The following CRHR2 variants were observed in gnomAD, a reference collection of about 807,000 sequenced individuals.
The protein encoded by CRHR2 is corticotropin-releasing hormone receptor 2.
In CRHR2, 53 loss-of-function variants were observed where a neutral mutation model predicts 57.9. That is an observed-to-expected ratio of 0.92 (90% CI 0.73 to 1.15). The LOEUF (loss-of-function observed/expected upper bound fraction) is 1.15, where lower values mean the gene tolerates loss of function less well. CRHR2 is among the 50% of genes most tolerant of loss of function. The pLI, the probability that CRHR2 is intolerant of heterozygous loss-of-function variation, is 0.00. For synonymous variants in CRHR2, 213 were observed against 220.9 expected, an observed-to-expected ratio of 0.96 and a Z score of 0.32; for missense variants, 532 against 542.6, an observed-to-expected ratio of 0.98 and a Z score of 0.19.
At chr7:30,654,634 T>C in intron 11 of CRHR2, 2 of 1,512,006 alleles carry the variant, frequency 1.3e-6, no homozygotes, top group Non-Finnish European at 1.8e-6. Context: ...GTGTGTGGGC[T>C]TTTCTGTGGC....
intron 2 of CRHR2, among the ~76,000 whole-genome samples, chr7:30,680,991 CA>C (rs1311473331): frequency 3.9e-5 from 6 of 152,130 alleles, no homozygotes; most frequent in East Asian, 3.9e-4. Context: ...CTGGAGATAT[CA>C]GGGGGGTTCT....
intron 2 of CRHR2, among the ~76,000 whole-genome samples, chr7:30,670,692 A>G (rs1784329167): frequency 6.6e-6 from 1 of 152,258 alleles, no homozygotes; most frequent in Non-Finnish European, 1.5e-5. Flanking sequence ...TAAGACAGAA[A>G]GAATCTCATC....
chr7:30,682,340 G>C lies in CRHR2; in HGVS notation c.-60C>G. The C allele has an allele frequency of 2.0e-6, 3 of 1,468,346 alleles. No individual in the cohort carries two copies. Among genetic ancestry groups the C allele is most frequent in the Non-Finnish European group, 2.7e-6 (3 of 1,112,146 alleles). The allele number at this position is 1,468,346 out of a possible 1,614,324, so 91.0% of individuals were successfully genotyped here. On this transcript the variant is annotated 5_prime_UTR_variant, in exon 1 of 12. Transcript: ENST00000471646. ...AGTGCGCGCCCGGCGTGACTGCGAGGGAGTGGACGCGAGAGTGAGCGGCCG... is the reference window on the plus strand; with the variant it reads ...AGTGCGCGCCCGGCGTGACTGCGAGCGAGTGGACGCGAGAGTGAGCGGCCG...
At chr7:30,690,868 A>G (rs1269688200) in intron 1 of CRHR2, among the ~76,000 whole-genome samples, 1 of 152,172 alleles carries the variant, frequency 6.6e-6, no homozygotes, top group African/African-American at 2.4e-5. Flanking sequence ...TAGAGAGGGA[A>G]ATGCAGGGGA....
intron 7 of CRHR2, 83 bp downstream of exon 7, chr7:30,662,073 G>T: frequency 6.2e-6 from 9 of 1,451,344 alleles, no homozygotes; most frequent in Non-Finnish European, 8.6e-6. Context: ...CTGCTCCACG[G>T]CTTGGCCAGA....
intron 2 of CRHR2, among the ~76,000 whole-genome samples, chr7:30,677,358 G>A (rs564989416): frequency 2.6e-5 from 4 of 152,116 alleles, no homozygotes; most frequent in African/African-American, 7.2e-5. Context: ...AGAGGAGTCC[G>A]TGTGGAATGG....
upstream of CRHR2, chr7:30,686,404 G>A (rs1784858595): frequency 6.5e-6 from 10 of 1,533,528 alleles, no homozygotes; most frequent in Non-Finnish European, 8.7e-6. Context: ...CAGAAGAGCT[G>A]AGGAAAGCCC....
chr7:30,683,489 G>C (rs1209550156), upstream of CRHR2, among the ~76,000 whole-genome samples: 1 of 152,174 alleles, frequency 6.6e-6, no homozygotes, highest in Non-Finnish European at 1.5e-5. Context: ...GAGTGCCCAG[G>C]GCGGGCCTGC....
rs1379570115 is a variant in CRHR2 at position 30,656,270 on chromosome 7, C to T, written c.832-258G>A. Among the ~76,000 whole-genome samples, 2 of 152,168 alleles carry T rather than the reference C, an allele frequency of 1.3e-5. No homozygotes were observed. Among genetic ancestry groups the T allele is most frequent in the East Asian group, 3.9e-4 (2 of 5,172 alleles). On this transcript the variant is annotated intron_variant, in intron 8 of 11. Transcript: ENST00000471646. This position sits in a 1 kb window ranked among gnomAD's most constrained non-coding sequence, Gnocchi z 4.4. The stretch of plus-strand genomic sequence containing the variant: ...AGGAAAGGTGGCAGCCTCTGTGGGT[C>T]GTGACCGAGAGCACGGGGCATGCCC...
At chr7:30,695,540 G>A (rs1441691865) in intron 1 of CRHR2, among the ~76,000 whole-genome samples, 1 of 151,990 alleles carries the variant, frequency 6.6e-6, no homozygotes, top group Non-Finnish European at 1.5e-5. Context: ...ACTGGAGTAG[G>A]AGGGGGAAGG....
At chr7:30,679,731 G>T (rs976461102) in intron 2 of CRHR2, among the ~76,000 whole-genome samples, 6 of 152,304 alleles carry the variant, frequency 3.9e-5, no homozygotes, top group African/African-American at 1.2e-4. Context: ...TCTCGTGGAG[G>T]TTTCTCCCTC....
intron 8 of CRHR2, among the ~76,000 whole-genome samples, chr7:30,658,080 A>G (rs1278362904): frequency 1.3e-5 from 2 of 152,160 alleles, no homozygotes; most frequent in Non-Finnish European, 2.9e-5. Flanking sequence ...GCTTGGGTCT[A>G]TGTAACCTGA....
In CRHR2 at chr7:30,653,372, T is replaced by G; in HGVS notation, c.*88A>C. On this transcript the variant is annotated 3_prime_UTR_variant, in exon 12 of 12. Transcript: ENST00000471646. The surrounding 1 kb of genome is among the most constrained non-coding windows in gnomAD (Gnocchi z 5.0). Reference sequence around the variant, plus strand: ...AGCTGGTCTCTCCCCTCCCATCTCCTGCCCCACGAGAGCCTGCCCAGCACA... The same window carrying G: ...AGCTGGTCTCTCCCCTCCCATCTCCGGCCCCACGAGAGCCTGCCCAGCACA... 1.3e-6 allele frequency: 2 copies of G among 1,525,488 alleles called. No individual in the cohort carries two copies. The highest frequency in any genetic ancestry group is 3.9e-5 in the Admixed American group (2 of 50,696). 94.5% of individuals were successfully genotyped at this position (1,525,488 alleles called of 1,614,324 possible).
chr7:30,652,580 A>G lies in CRHR2; in HGVS notation c.*880T>C, dbSNP rs1016894683. On this transcript the variant is annotated 3_prime_UTR_variant, in exon 12 of 12. Coordinates refer to ENST00000471646, the MANE Select transcript of CRHR2 (RefSeq NM_001883.5). The surrounding 1 kb of genome is among the most constrained non-coding windows in gnomAD (Gnocchi z 4.4). ...GGGTGACTTGACCTGAGGGGAGGCCACTTCCAAGAGGCATGGTTTATTTCA... is the reference window on the plus strand; with the variant it reads ...GGGTGACTTGACCTGAGGGGAGGCCGCTTCCAAGAGGCATGGTTTATTTCA... 6.6e-6 allele frequency: 1 copy of G among 152,302 alleles called. No individual in the cohort carries two copies. Among genetic ancestry groups the G allele is most frequent in the Admixed American group, 6.5e-5 (1 of 15,290 alleles). The allele number at this position is 152,302 out of a possible 1,614,324, so 9.4% of individuals were successfully genotyped here.
At chr7:30,699,363 T>C (rs1260307514) in intron 1 of CRHR2, among the ~76,000 whole-genome samples, 1 of 152,128 alleles carries the variant, frequency 6.6e-6, no homozygotes, top group South Asian at 2.1e-4. Context: ...CAGAGCCCAC[T>C]CTGTCCCCAT....
At chr7:30,671,480 T>C (rs1324756822) in intron 2 of CRHR2, among the ~76,000 whole-genome samples, 1 of 151,958 alleles carries the variant, frequency 6.6e-6, no homozygotes, top group Non-Finnish European at 1.5e-5. Context: ...ATGGGGTCAT[T>C]GGCTATTTGC....
At position 30,653,486 on chromosome 7, in the gene CRHR2, T is replaced by C; in HGVS notation, c.1210A>G (p.Ser404Gly). The C allele has an allele frequency of 1.2e-6, 2 of 1,613,652 alleles. No homozygotes were observed. The change falls in exon 12 of 12, where the codon AGC (serine) becomes GGC (glycine). Residue 404 changes from serine (S) to glycine (G), a missense_variant. Transcript: ENST00000471646. The surrounding 1 kb of genome is among the most constrained non-coding windows in gnomAD (Gnocchi z 5.0). Reference sequence around the variant, plus strand: ...CACACAGCGGCCGTCTGCTTGATGCTGTGGAAGCTGATCCGTGTGGGTGAT... The same window carrying C: ...CACACAGCGGCCGTCTGCTTGATGCCGTGGAAGCTGATCCGTGTGGGTGAT... Reference protein sequence around the residue: ...PTSPTRISFHSIKQTAAV With the variant: ...PTSPTRISFHGIKQTAAV
At chr7:30,698,611 T>A (rs1197082539) in intron 1 of CRHR2, among the ~76,000 whole-genome samples, 1 of 152,222 alleles carries the variant, frequency 6.6e-6, no homozygotes, top group East Asian at 1.9e-4. Context: ...TCAGCAGGTC[T>A]GGGGGCCATC....
At position 30,665,077 on chromosome 7, in the gene CRHR2, C is replaced by T. The variant is rs1261136606; in HGVS notation, c.536G>A (p.Ser179Asn). Residue 179 changes from serine to asparagine, a missense_variant, in exon 5 of 12, where the codon AGC becomes AAC. Ser to Asn is a conservative substitution (Grantham distance 46). Transcript: ENST00000471646. The surrounding 1 kb of genome is among the most constrained non-coding windows in gnomAD (Gnocchi z 4.5). ...LQLVDHEVHE[S>N]NEVWCRCITT... ...GTCTCCCCGAGCAATGACCTCATTG[C>T]TCTCGTGCACTTCATGGTCAACGAG... is the stretch of plus-strand genomic sequence containing the variant. 6.2e-7 allele frequency: 1 copy of T among 1,613,922 alleles called. No individual in the cohort carries two copies. The highest frequency in any genetic ancestry group is 1.1e-5 in the South Asian group (1 of 91,076).
Sources: gnomAD v4.1 joint callset for allele counts (sites outside exome capture counted in the v4.1 genomes callset) on GRCh38, gnomAD v4.1.1 for gene constraint, Gnocchi (gnomAD v3.1) non-coding constraint, MANE v1.5 for transcripts, NCBI Gene and HGNC (gene_info 2026-07-23, HGNC 2026-07-21) for gene names.